Variants in CIRSR observed in about 807,000 individuals in gnomAD.
CIRSR encodes CBF1 (RBPJ) interacting corepressor 1.
chr2:174,348,471 T>TA, the CIRSR span: 1 of 1,569,244 alleles, frequency 6.4e-7, no homozygotes, highest in African/African-American at 1.4e-5. Flanking sequence ...AATTGTCACA[T>TA]ACAGTCTTTC....
chr2:174,356,291 C>A, the CIRSR span, among the ~76,000 whole-genome samples: 2 of 151,834 alleles, frequency 1.3e-5, no homozygotes, highest in African/African-American at 4.8e-5. Flanking sequence ...CATGGTGAGA[C>A]CCTGTCTCTA....
the CIRSR span, among the ~76,000 whole-genome samples, chr2:174,352,425 TG>T: frequency 6.6e-6 from 1 of 152,186 alleles, no homozygotes; most frequent in Non-Finnish European, 1.5e-5. Context: ...GTGAGCTTTT[TG>T]TTTCCCAAAT....
the CIRSR span, among the ~76,000 whole-genome samples, chr2:174,354,512 CATATA>C: frequency 0.63 from 48,309 of 77,272 alleles, 15,835 homozygotes; most frequent in East Asian, 0.86. Flanking sequence ...TTATATATAT[CATATA>C]ATATATTTTA....
chr2:174,351,537 T>A, the CIRSR span: 2 of 1,151,440 alleles, frequency 1.7e-6, no homozygotes, highest in African/African-American at 3.1e-5. Flanking sequence ...ATATGCATAT[T>A]GGAAAACATT....
At chr2:174,376,583 G>C in the CIRSR span, among the ~76,000 whole-genome samples, 1 of 150,812 alleles carries the variant, frequency 6.6e-6, no homozygotes, top group East Asian at 2.0e-4. Context: ...GGATCATGAG[G>C]TCAGGAGATC....
chr2:174,360,702 C>T, the CIRSR span, among the ~76,000 whole-genome samples: 1 of 152,152 alleles, frequency 6.6e-6, no homozygotes, highest in Non-Finnish European at 1.5e-5. Context: ...ATGCCTTTAA[C>T]ATCAAGCAGG....
the CIRSR span, chr2:174,379,174 T>C: frequency 3.1e-6 from 2 of 635,016 alleles, no homozygotes; most frequent in East Asian, 2.7e-5. Context: ...CTCCAAACTA[T>C]GTTTGGTAAT....
the CIRSR span, among the ~76,000 whole-genome samples, chr2:174,361,430 CCTAGCTGT>C: frequency 7.9e-5 from 12 of 152,142 alleles, no homozygotes; most frequent in Non-Finnish European, 8.8e-5. Context: ...CTGGTATGCT[CCTAGCTGT>C]CTTCCTAGCA....
the CIRSR span, among the ~76,000 whole-genome samples, chr2:174,349,475 G>GA: frequency 6.8e-6 from 1 of 146,522 alleles, no homozygotes; most frequent in Admixed American, 7.1e-5. Context: ...TGAGGCAGAA[G>GA]AATCGCTTGA....
At chr2:174,359,607 TGGTG>T in the CIRSR span, among the ~76,000 whole-genome samples, 880 of 152,278 alleles carry the variant, frequency 5.8e-3, 4 homozygotes, top group African/African-American at 0.02. Context: ...TTTACACTGT[TGGTG>T]GGAGTGTAAA....
At chr2:174,391,284 C>G in the CIRSR span, among the ~76,000 whole-genome samples, 2 of 152,092 alleles carry the variant, frequency 1.3e-5, no homozygotes, top group Non-Finnish European at 2.9e-5. Context: ...ATGACTCAGG[C>G]AAAGGCCCAG....
chr2:174,380,134 G>T, the CIRSR span: 4 of 1,113,722 alleles, frequency 3.6e-6, no homozygotes, highest in Admixed American at 5.2e-5. Context: ...ACACCTTTTA[G>T]ACAACAATAT....
chr2:174,354,410 TATATATA>T, the CIRSR span, among the ~76,000 whole-genome samples: 5 of 85,250 alleles, frequency 5.9e-5, no homozygotes, highest in East Asian at 6.2e-4. Context: ...TTTTATATAT[TATATATA>T]ATATATATTA....
the CIRSR span, among the ~76,000 whole-genome samples, chr2:174,384,860 A>G: frequency 2.6e-5 from 4 of 152,252 alleles, no homozygotes; most frequent in Non-Finnish European, 5.9e-5. Flanking sequence ...CTGAAAATTT[A>G]CATAGATTTT....
chr2:174,373,724 G>A, the CIRSR span, among the ~76,000 whole-genome samples: 1 of 149,814 alleles, frequency 6.7e-6, no homozygotes, highest in African/African-American at 2.5e-5. Context: ...TGTTTACAAT[G>A]GTGAAAAATT....
chr2:174,365,712 C>G, the CIRSR span, among the ~76,000 whole-genome samples: 183 of 152,306 alleles, frequency 1.2e-3, no homozygotes, highest in African/African-American at 4.2e-3. Context: ...GACGTATTCA[C>G]TGTCACAAGA....
the CIRSR span, among the ~76,000 whole-genome samples, chr2:174,384,327 A>G: frequency 2.0e-5 from 3 of 152,236 alleles, no homozygotes. Context: ...GCAAATTCAT[A>G]GACACAGAAA....
At chr2:174,351,583 T>C in the CIRSR span, 2 of 1,524,572 alleles carry the variant, frequency 1.3e-6, no homozygotes, top group East Asian at 2.3e-5. Flanking sequence ...TTTAGATTTA[T>C]AGACATTTTC....
At chr2:174,354,578 ATAT>A in the CIRSR span, among the ~76,000 whole-genome samples, 899 of 20,782 alleles carry the variant, frequency 0.043, 29 homozygotes, top group African/African-American at 0.079. Context: ...ATTATATTAT[ATAT>A]TATATATATC....
Sources: allele counts gnomAD v4.1 joint callset (sites outside exome capture counted in the v4.1 genomes callset), GRCh38; gene constraint gnomAD v4.1.1; transcripts MANE v1.5; gene names NCBI Gene and HGNC (gene_info 2026-07-23, HGNC 2026-07-21).